ZSWIM6: variants seen among roughly 807,000 people sequenced by gnomAD.
The protein encoded by ZSWIM6 is zinc finger SWIM-type containing 6.
A neutral mutation model predicts 113.2 loss-of-function variants in ZSWIM6; 9 were observed. The observed-to-expected ratio is 0.08, with a 90% CI of 0.05 to 0.14. ZSWIM6 has a LOEUF of 0.14. ZSWIM6 is among the 10% of genes least tolerant of loss of function. ZSWIM6 has a pLI of 1.00. For synonymous variants in ZSWIM6, 611 were observed against 606.5 expected, an observed-to-expected ratio of 1.01 and a Z score of -0.11; for missense variants, 1,162 against 1,552.2, an observed-to-expected ratio of 0.75 and a Z score of 4.22.
At chr5:61,460,662 C>T (rs976501346) in intron 1 of ZSWIM6, among the ~76,000 whole-genome samples, 2 of 152,054 alleles carry the variant, frequency 1.3e-5, no homozygotes, top group Non-Finnish European at 2.9e-5. Flanking sequence ...GAACTGGAAC[C>T]CTGTGTTATT....
At chr5:61,495,150 A>G (rs1748282585) in intron 4 of ZSWIM6, among the ~76,000 whole-genome samples, 1 of 152,168 alleles carries the variant, frequency 6.6e-6, no homozygotes, top group African/African-American at 2.4e-5. Flanking sequence ...TATGAGAAGT[A>G]ATGTTGTCTA....
At chr5:61,511,630 A>G (rs1748790617) in intron 4 of ZSWIM6, among the ~76,000 whole-genome samples, 2 of 152,152 alleles carry the variant, frequency 1.3e-5, no homozygotes, top group Non-Finnish European at 2.9e-5. Flanking sequence ...ATGTGAGGAC[A>G]CAATTAGAAG....
rs1175056107 is a variant in ZSWIM6, at chr5:61,449,377, A to T, written c.677-23304A>T. Among the ~76,000 whole-genome samples the T allele has an allele frequency of 2.0e-5, 3 of 152,038 alleles. No individual in the cohort carries two copies. The East Asian group carries it at 5.8e-4, about 29-fold the overall frequency. On this transcript the variant is annotated intron_variant, in intron 1 of 13. Coordinates refer to ENST00000252744, the MANE Select transcript of ZSWIM6 (RefSeq NM_020928.2). ...TTTTAGCAATTTGTTTTTTAAATTT[A>T]TTTCCAGAGTTTTAATATTTTTAAA...
intron 1 of ZSWIM6, among the ~76,000 whole-genome samples, chr5:61,429,303 T>C (rs1746530712): frequency 1.3e-5 from 2 of 152,230 alleles, no homozygotes; most frequent in Non-Finnish European, 2.9e-5. Flanking sequence ...ACCTGTATTG[T>C]AGTGGCGATG....
intron 1 of ZSWIM6, among the ~76,000 whole-genome samples, chr5:61,463,689 G>T: frequency 6.6e-6 from 1 of 152,278 alleles, no homozygotes; most frequent in South Asian, 2.1e-4. Flanking sequence ...TGAGCTTCCC[G>T]TTTAGCTTGA....
chr5:61,385,565 T>A (rs1745577520), intron 1 of ZSWIM6, among the ~76,000 whole-genome samples: 1 of 152,220 alleles, frequency 6.6e-6, no homozygotes, highest in South Asian at 2.1e-4. Context: ...TTGCATTAAT[T>A]GAGATAATTT....
chr5:61,345,200 T>C (rs1453954848), intron 1 of ZSWIM6, among the ~76,000 whole-genome samples: 1 of 152,222 alleles, frequency 6.6e-6, no homozygotes. Flanking sequence ...AAGAAACACA[T>C]ACTGTTTTTC....
intron 2 of ZSWIM6, among the ~76,000 whole-genome samples, chr5:61,479,036 T>TG (rs1277273344): frequency 1.3e-5 from 2 of 152,042 alleles, no homozygotes; most frequent in Non-Finnish European, 2.9e-5. Context: ...TCGGGCATGG[T>TG]GGCGTGTGCC....
intron 1 of ZSWIM6, among the ~76,000 whole-genome samples, chr5:61,409,566 T>C (rs1746114537): frequency 6.6e-6 from 1 of 152,228 alleles, no homozygotes; most frequent in Admixed American, 6.5e-5. Context: ...AGAGCTATAG[T>C]TCCCCCTTCT....
intron 11 of ZSWIM6, 73 bp from the exon 12 acceptor site, chr5:61,539,523 A>C: frequency 6.8e-7 from 1 of 1,475,954 alleles, no homozygotes; most frequent in Non-Finnish European, 9.0e-7. Context: ...GTATGGTTGT[A>C]TGATTTTTGT....
At chr5:61,485,377 C>T in intron 2 of ZSWIM6, among the ~76,000 whole-genome samples, 1 of 152,184 alleles carries the variant, frequency 6.6e-6, no homozygotes, top group Admixed American at 6.6e-5. Flanking sequence ...TACTGCTTCC[C>T]ATAGTATATC....
At chr5:61,385,576 G>A (rs900285383) in intron 1 of ZSWIM6, among the ~76,000 whole-genome samples, 1 of 152,156 alleles carries the variant, frequency 6.6e-6, no homozygotes, top group Admixed American at 6.5e-5. Context: ...GAGATAATTT[G>A]TTTCTAGTAT....
intron 1 of ZSWIM6, among the ~76,000 whole-genome samples, chr5:61,406,507 G>A (rs1579979570): frequency 6.6e-6 from 1 of 151,932 alleles, no homozygotes; most frequent in Admixed American, 6.6e-5. Context: ...TCTACAGTCA[G>A]TATCAAAATT....
At chr5:61,517,457 A>G (rs1748979880) in intron 4 of ZSWIM6, among the ~76,000 whole-genome samples, 1 of 151,992 alleles carries the variant, frequency 6.6e-6, no homozygotes, top group Admixed American at 6.6e-5. Flanking sequence ...TGGCCCTAAA[A>G]TTTCTGTTTA....
chr5:61,442,859 C>G (rs905774768), intron 1 of ZSWIM6, among the ~76,000 whole-genome samples: 2 of 152,166 alleles, frequency 1.3e-5, no homozygotes, highest in Non-Finnish European at 2.9e-5. Context: ...TAAGAGTATA[C>G]TCTACTCCAT....
At chr5:61,541,060 C>T (rs1318544554) in intron 12 of ZSWIM6, among the ~76,000 whole-genome samples, 1 of 151,784 alleles carries the variant, frequency 6.6e-6, no homozygotes, top group East Asian at 1.9e-4. Context: ...TCTTCTACTT[C>T]AGCCCCCTGA....
intron 1 of ZSWIM6, among the ~76,000 whole-genome samples, chr5:61,415,864 T>C (rs1746241693): frequency 6.6e-6 from 1 of 152,188 alleles, no homozygotes; most frequent in Non-Finnish European, 1.5e-5. Flanking sequence ...TTTTGGTTTG[T>C]TTTAAACAAC....
At chr5:61,467,071 A>G (rs758753799) in intron 1 of ZSWIM6, among the ~76,000 whole-genome samples, 3 of 152,208 alleles carry the variant, frequency 2.0e-5, no homozygotes, top group Non-Finnish European at 4.4e-5. Flanking sequence ...TGCCACATCA[A>G]TATGGCGTAG....
chr5:61,380,767 G>C (rs35704054), intron 1 of ZSWIM6, among the ~76,000 whole-genome samples: 17,918 of 152,154 alleles, frequency 0.12, 1,133 homozygotes, highest in Middle Eastern at 0.16. Context: ...TTATGCCAGA[G>C]ATTGCTAACC....
Sources: gnomAD v4.1 joint callset for allele counts (sites outside exome capture counted in the v4.1 genomes callset) on GRCh38, gnomAD v4.1.1 for gene constraint, MANE v1.5 for transcripts, NCBI Gene and HGNC (gene_info 2026-07-23, HGNC 2026-07-21) for gene names.